The following RTN4 variants were observed in gnomAD, a reference collection of about 807,000 sequenced individuals.
RTN4 encodes the protein reticulon-4.
RTN4 carries 32 observed loss-of-function variants against 90.4 expected under a neutral mutation model. The observed-to-expected ratio is 0.35, with a 90% confidence interval of 0.27 to 0.48. The LOEUF (loss-of-function observed/expected upper bound fraction) is 0.48, where lower values mean the gene tolerates loss of function less well. RTN4 is among the 20% of genes least tolerant of loss of function. The pLI, the probability that RTN4 is intolerant of heterozygous loss-of-function variation, is 0.99. For missense variants in RTN4, 1,706 were observed against 1,430.2 expected (o/e 1.19, Z -3.11); for synonymous variants, 629 against 552.5 (o/e 1.14, Z -1.94).
rs550207529 is a variant in RTN4 at position 55,070,852 on chromosome 2, C to G, written c.-63+9637G>C. On this transcript the variant is annotated intron_variant, in intron 2 of 3. Coordinates refer to the RTN4 transcript ENST00000427710. ...AGTACAGTGGTGCGATCTCGGCTCA[C>G]TGCAAGCTCTGTCTCCCGGGTTCAC... is the stretch of plus-strand genomic sequence containing the variant. Among the ~76,000 whole-genome samples the G allele has an allele frequency of 1.1e-4, 16 of 152,038 alleles. No individual in the cohort carries two copies. In the South Asian group the frequency reaches 3.3e-3, roughly 32 times the overall value.
At chr2:55,086,677 CATAATA>C (rs1221139812) in intron 1 of RTN4, among the ~76,000 whole-genome samples, 1 of 151,832 alleles carries the variant, frequency 6.6e-6, no homozygotes, top group Non-Finnish European at 1.5e-5. Flanking sequence ...CTCTAACCAA[CATAATA>C]ATAATAATTA....
intron 1 of RTN4, among the ~76,000 whole-genome samples, chr2:55,105,976 A>G (rs1461527085): frequency 1.3e-5 from 2 of 152,042 alleles, no homozygotes; most frequent in Non-Finnish European, 2.9e-5. Flanking sequence ...GGAGACCCCC[A>G]TCTCTAAAAT....
intron 1 of RTN4, among the ~76,000 whole-genome samples, chr2:55,091,396 C>T (rs1668932549): frequency 6.6e-6 from 1 of 152,218 alleles, no homozygotes; most frequent in Non-Finnish European, 1.5e-5. Context: ...GCCTGGAATG[C>T]TTTTCCCTTA....
intron 1 of RTN4, among the ~76,000 whole-genome samples, chr2:55,087,068 C>T (rs1668854606): frequency 6.6e-6 from 1 of 152,158 alleles, no homozygotes; most frequent in Non-Finnish European, 1.5e-5. Context: ...TGTTCAGTTA[C>T]GTTACTGCTG....
intron 3 of RTN4, among the ~76,000 whole-genome samples, chr2:55,016,535 A>T (rs1261751959): frequency 6.6e-6 from 1 of 152,164 alleles, no homozygotes; most frequent in East Asian, 1.9e-4. Flanking sequence ...GTGAGTGGAG[A>T]TCCCGCCACT....
chr2:55,028,253 A>G (rs1447313535), intron 1 of RTN4, 33 bp from the exon 2 acceptor site: 5 of 1,589,076 alleles, frequency 3.1e-6, no homozygotes, highest in Non-Finnish European at 4.3e-6. Flanking sequence ...CCTCAGCAGA[A>G]ATAAAGACAG....
At chr2:55,047,478 T>C (rs959005116) in intron 1 of RTN4, among the ~76,000 whole-genome samples, 17 of 152,092 alleles carry the variant, frequency 1.1e-4, no homozygotes, top group Non-Finnish European at 1.2e-4. Flanking sequence ...AATTAGTGTT[T>C]TGAGTAGTAT....
chr2:55,015,626 C>A (rs1680975592), intron 3 of RTN4, among the ~76,000 whole-genome samples: 2 of 152,010 alleles, frequency 1.3e-5, no homozygotes, highest in African/African-American at 4.8e-5. Context: ...CACTAATAAT[C>A]AAAGATCAAA....
intron 3 of RTN4, chr2:55,010,519 T>C (rs1038011128): frequency 4.7e-6 from 1 of 213,582 alleles, no homozygotes; most frequent in Admixed American, 6.3e-5. Context: ...CCATATGCAG[T>C]TTTTTTTTCT....
rs141778601 is a variant in RTN4 at position 55,006,806 on chromosome 2, C to G, written c.3013+18280G>C. Among the ~76,000 whole-genome samples, 133 of 152,212 alleles carry G rather than the reference C, an allele frequency of 8.7e-4. 1 individual carries two copies. The East Asian group carries it at 0.023, about 26-fold the overall frequency. ...ATTCCTTCTTGAAAATTCTTTCCCC[C>G]CTTAGTATCAGTTACACTATCCTGC... On this transcript the variant is annotated intron_variant, in intron 3 of 8. Coordinates refer to ENST00000337526, the MANE Select transcript of RTN4 (RefSeq NM_020532.5).
chr2:54,974,644 G>A (rs1218028272), intron 6 of RTN4, 51 bp downstream of exon 6: 3 of 1,363,636 alleles, frequency 2.2e-6, no homozygotes, highest in Middle Eastern at 1.8e-4. Flanking sequence ...CTAAGCTCCT[G>A]GCACACAATC....
At chr2:55,008,878 T>A (rs915575830) in intron 3 of RTN4, among the ~76,000 whole-genome samples, 2 of 152,176 alleles carry the variant, frequency 1.3e-5, no homozygotes, top group Admixed American at 6.5e-5. Context: ...AGCTACCATA[T>A]ATCAATTCAT....
chr2:55,080,655 G>C (rs375396763), intron 1 of RTN4: 1 of 152,020 alleles, frequency 6.6e-6, no homozygotes, highest in African/African-American at 2.4e-5. Flanking sequence ...GAAAGAAAAG[G>C]GTAGGAAAAA....
chr2:55,020,043 T>C (rs1681312287), intron 3 of RTN4, among the ~76,000 whole-genome samples: 1 of 152,042 alleles, frequency 6.6e-6, no homozygotes, highest in Non-Finnish European at 1.5e-5. Flanking sequence ...TGAAAGAAAT[T>C]GAAGAGGATA....
intron 1 of RTN4, among the ~76,000 whole-genome samples, chr2:55,098,537 C>A (rs1667793235): frequency 6.6e-6 from 1 of 152,004 alleles, no homozygotes; most frequent in Non-Finnish European, 1.5e-5. Flanking sequence ...GAGAACATAT[C>A]TTATCAGTAA....
chr2:55,056,268 G>A (rs768497034), intron 2 of RTN4, among the ~76,000 whole-genome samples: 5 of 152,032 alleles, frequency 3.3e-5, no homozygotes, highest in African/African-American at 7.2e-5. Context: ...CCCTCCCCTC[G>A]TGATAGTCAC....
At chr2:55,121,229 T>C in the RTN4 span, among the ~76,000 whole-genome samples, 1 of 152,314 alleles carries the variant, frequency 6.6e-6, no homozygotes, top group South Asian at 2.1e-4. Flanking sequence ...ATCCCTGCTC[T>C]CAGGGAGCTC....
chr2:55,008,180 C>CACT, intron 3 of RTN4, among the ~76,000 whole-genome samples: 1 of 150,142 alleles, frequency 6.7e-6, no homozygotes, highest in Non-Finnish European at 1.5e-5. Context: ...CACACACCAC[C>CACT]TTTTAAAGAA....
chr2:55,102,242 T>C lies in RTN4; in HGVS notation c.-214+10278A>G, dbSNP rs184136764. On this transcript the variant is annotated intron_variant, in intron 1 of 3. Coordinates refer to the RTN4 transcript ENST00000427710. Reference sequence around the variant, plus strand: ...TCAAAATGTTCACTTAAATGGAATTTAGTTTGTTTTTGTAAGGCTGAAATC... The same window carrying C: ...TCAAAATGTTCACTTAAATGGAATTCAGTTTGTTTTTGTAAGGCTGAAATC... 3.3e-5 allele frequency among the ~76,000 whole-genome samples: 5 copies of C among 152,254 alleles called. No homozygotes were observed. The East Asian group carries it at 7.7e-4, about 23-fold the overall frequency.
Sources: allele counts gnomAD v4.1 joint callset (sites outside exome capture counted in the v4.1 genomes callset), GRCh38; gene constraint gnomAD v4.1.1; transcripts MANE v1.5; gene names NCBI Gene and HGNC (gene_info 2026-07-23, HGNC 2026-07-21).